CUZD1: variants seen among roughly 807,000 people sequenced by gnomAD.
The protein encoded by CUZD1 is CUB and zona pellucida like domains 1.
Under a neutral mutation model 53.1 loss-of-function variants are expected in CUZD1, and 42 were observed. The ratio of observed to expected loss-of-function variants is 0.79; its 90% CI spans 0.62 to 1.02. The LOEUF is 1.02. Among genes scored for constraint, CUZD1 ranks in the 50% least tolerant of loss-of-function variants. CUZD1 has a pLI of 0.00. For missense variants in CUZD1, 670 were observed against 715.7 expected (o/e 0.94, Z 0.73); for synonymous variants, 238 against 257.2 (o/e 0.93, Z 0.71).
Position 122,836,358 on chromosome 10 carries a change from GAA to G in CUZD1, c.818-10_818-9del, listed in dbSNP as rs11365591. 194,374 of 1,095,246 alleles carry G rather than the reference GAA, an allele frequency of 0.18. No individual in the cohort carries two copies. The highest frequency in any genetic ancestry group is 0.21 in the East Asian group (6,233 of 29,588). 67.8% of individuals were successfully genotyped at this position (1,095,246 alleles called of 1,614,324 possible). ...AAGAGCAAGTTAAAGATGCTGTCAG[GAA>G]AAAAAAAAAAAAAAGAATGGTCATG... On this transcript the variant is annotated splice_polypyrimidine_tract_variant and intron_variant, in intron 5 of 8. Transcript: ENST00000392790.
At chr10:122,842,814 C>T (rs1007928308) in intron 1 of CUZD1, among the ~76,000 whole-genome samples, 2 of 152,142 alleles carry the variant, frequency 1.3e-5, no homozygotes, top group African/African-American at 4.8e-5. Flanking sequence ...CCAGAATAGA[C>T]ATTTTTCCAA....
Position 122,839,245 on chromosome 10 carries a change from A to G in CUZD1, c.234-14T>C, listed in dbSNP as rs368191862. 1.2e-6 allele frequency: 2 copies of G among 1,611,906 alleles called. No homozygotes were observed. Among genetic ancestry groups the G allele is most frequent in the Non-Finnish European group, 1.7e-6 (2 of 1,178,288 alleles). Reference sequence around the variant, plus strand: ...TCTGGATCAAGCCTGTGGAAAAAACACAACTGTGGCTGAAGAAGTGTCACA... The same window carrying G: ...TCTGGATCAAGCCTGTGGAAAAAACGCAACTGTGGCTGAAGAAGTGTCACA... On this transcript the variant is annotated splice_polypyrimidine_tract_variant and intron_variant, in intron 2 of 8. Transcript: ENST00000392790.
Position 122,839,226 on chromosome 10 carries a change from T to C in CUZD1, c.239A>G (p.Asp80Gly). ...TTCACTTTCACAGCTTCCATCTGGATCAAGCCTGTGGAAAAAACACAACTG... is the reference window on the plus strand; with the variant it reads ...TTCACTTTCACAGCTTCCATCTGGACCAAGCCTGTGGAAAAAACACAACTG... The part of the protein sequence containing the change: ...IRIIFSYVQL[D>G]PDGSCESENI... Residue 80 changes from aspartate to glycine, a missense_variant, in exon 3 of 9, where the codon GAT becomes GGT. Physicochemically the swap from Asp to Gly is moderately conservative, Grantham distance 94 (BLOSUM62 -1). Transcript: ENST00000392790. 1 of 1,613,816 alleles carries C rather than the reference T, an allele frequency of 6.2e-7. No homozygotes were observed. Among genetic ancestry groups the C allele is most frequent in the Non-Finnish European group, 8.5e-7 (1 of 1,179,806 alleles).
chr10:122,837,279 A>C, intron 4 of CUZD1, 125 bp downstream of exon 4: 1 of 1,023,308 alleles, frequency 9.8e-7, no homozygotes, highest in East Asian at 2.5e-5. Context: ...TTTCCTTTCT[A>C]CATCAATTCT....
chr10:122,834,305 T>C (rs1231325926), intron 7 of CUZD1, among the ~76,000 whole-genome samples: 1 of 152,208 alleles, frequency 6.6e-6, no homozygotes, highest in Non-Finnish European at 1.5e-5. Context: ...TTATACTTTT[T>C]CTCTTAAGAA....
Position 122,834,979 on chromosome 10 carries a change from T to C in CUZD1, c.1109A>G (p.Asn370Ser). 6.2e-7 allele frequency: 1 copy of C among 1,613,898 alleles called. No homozygotes were observed. Among genetic ancestry groups the C allele is most frequent in the Non-Finnish European group, 8.5e-7 (1 of 1,179,830 alleles). Residue 370 changes from asparagine to serine, a missense_variant, in exon 7 of 9, where the codon AAT becomes AGT. Physicochemically the swap from Asn to Ser is conservative, Grantham distance 46. Transcript: ENST00000392790. Reference protein sequence around the residue: ...QIIVKCEMGHNSTVEIIYITE... With the variant: ...QIIVKCEMGHSSTVEIIYITE... ...TATGTATATTATCTCCACTGTAGAA[T>C]TATGTCCCATTTCACACTTCACAAT...
In CUZD1 at chr10:122,837,387, TG is replaced by T; in HGVS notation, c.599+16del. Reference sequence around the variant, plus strand: ...TTTACTGCATTTGTTCCAACAGAATTGGGCAGCAGTACTTACAAAATCTCTT... The same window carrying T: ...TTTACTGCATTTGTTCCAACAGAATTGGCAGCAGTACTTACAAAATCTCTT... On this transcript the variant is annotated intron_variant, in intron 4 of 8. Transcript: ENST00000392790. The T allele has an allele frequency of 6.2e-7, 1 of 1,613,746 alleles. No individual in the cohort carries two copies. Among genetic ancestry groups the T allele is most frequent in the Non-Finnish European group, 8.5e-7 (1 of 1,179,784 alleles).
intron 2 of CUZD1, 70 bp downstream of exon 2, chr10:122,841,108 A>C (rs1847334170): frequency 7.1e-7 from 1 of 1,409,476 alleles, no homozygotes; most frequent in East Asian, 2.3e-5. Context: ...TTCTACAGAG[A>C]GTCCCCCTAC....
At position 122,844,043 on chromosome 10, in the gene CUZD1, GGGAC is replaced by G. The variant is rs370055109; in HGVS notation, c.82+1715_82+1718del. ...ATAAATATATATATATATAGAGAGAGGGACAGACAGAGTCTCACTCTGTTACCTA... is the reference window on the plus strand; with the variant it reads ...ATAAATATATATATATATAGAGAGAGAGACAGAGTCTCACTCTGTTACCTA... On this transcript the variant is annotated intron_variant, in intron 1 of 8. Transcript: ENST00000392790. Among the ~76,000 whole-genome samples, 27 of 149,648 alleles carry G rather than the reference GGGAC, an allele frequency of 1.8e-4. No individual in the cohort carries two copies. The South Asian group carries it at 3.8e-3, about 21-fold the overall frequency.
At chr10:122,844,568 T>C (rs1373648259) in intron 1 of CUZD1, among the ~76,000 whole-genome samples, 3 of 151,998 alleles carry the variant, frequency 2.0e-5, no homozygotes, top group Non-Finnish European at 4.4e-5. Context: ...CTGTTAGCAG[T>C]GAAATTACCC....
Position 122,832,159 on chromosome 10 carries a change from G to A in CUZD1, c.*119C>T. ...ATGAAACACACCGACACAGTGACAT[G>A]CAGGCCTGTGTGTCACTTTCAGGCC... On this transcript the variant is annotated 3_prime_UTR_variant, in exon 9 of 9. Transcript: ENST00000392790. 2.2e-6 allele frequency: 2 copies of A among 901,246 alleles called. No individual in the cohort carries two copies. The highest frequency in any genetic ancestry group is 3.5e-6 in the Non-Finnish European group (2 of 567,266). 55.8% of individuals were successfully genotyped at this position (901,246 alleles called of 1,614,324 possible).
chr10:122,833,195 G>T (rs1847186826), intron 8 of CUZD1, among the ~76,000 whole-genome samples: 1 of 151,972 alleles, frequency 6.6e-6, no homozygotes, highest in Non-Finnish European at 1.5e-5. Flanking sequence ...CAGATCTCAG[G>T]TTTCAAGCCT....
chr10:122,834,748 G>A lies in CUZD1; in HGVS notation c.1340C>T (p.Thr447Ile). 1 of 1,612,132 alleles carries A rather than the reference G, an allele frequency of 6.2e-7. No individual in the cohort carries two copies. Among genetic ancestry groups the A allele is most frequent in the South Asian group, 1.1e-5 (1 of 90,750 alleles). The change falls in exon 7 of 9, where the codon ACC becomes ATC. Residue 447 changes from threonine (T) to isoleucine (I), a missense_variant. Transcript: ENST00000392790. ...GTAGGTTGGAGATGCAAAGTCAGAG[G>A]TGGGAGAGGCTCTACAGGTATCAAG... ...VFLDTCRASPTSDFASPTYDL... is the reference protein window; with the variant it reads ...VFLDTCRASPISDFASPTYDL...
rs761938782 is a variant in CUZD1, at chr10:122,834,987, CA to C, written c.1100del (p.Met367ArgfsTer9). 1 of 1,613,726 alleles carries C rather than the reference CA, an allele frequency of 6.2e-7. No homozygotes were observed. The highest frequency in any genetic ancestry group is 2.2e-5 in the East Asian group (1 of 44,862). ...TTATCTCCACTGTAGAATTATGTCC[CA>C]TTTCACACTTCACAATAATCTGGAG... ...KQLQIIVKCEMGHNSTVEIIY... is the reference protein window; with the variant it reads ...KQLQIIVKCEXGHNSTVEIIY... On this transcript the variant is annotated frameshift_variant, in exon 7 of 9. Transcript: ENST00000392790. LOFTEE classifies it high-confidence loss of function.
Position 122,839,216 on chromosome 10 carries a change from TC to T in CUZD1, c.248del (p.Gly83GlufsTer21). On this transcript the variant is annotated frameshift_variant, in exon 3 of 9. Transcript: ENST00000392790. LOFTEE classifies it high-confidence loss of function. ...IFSYVQLDPD[G>X]SCESENIKVF... is the part of the protein sequence containing the mutation. ...CTTTAATGTTTTCACTTTCACAGCT[TC>T]CATCTGGATCAAGCCTGTGGAAAAA... The T allele has an allele frequency of 6.2e-7, 1 of 1,613,986 alleles. No individual in the cohort carries two copies. The highest frequency in any genetic ancestry group is 8.5e-7 in the Non-Finnish European group (1 of 1,179,856).
rs1320133924 is a variant in CUZD1, at chr10:122,834,803, G to A, written c.1285C>T (p.His429Tyr). ...NQTLFVQVSL[H>Y]TSDPNLVVFL... Reference sequence around the variant, plus strand: ...ACCACCAAATTTGGATCTGAGGTGTGCAGACTAACTTGAACAAAAAGAGTT... The same window carrying A: ...ACCACCAAATTTGGATCTGAGGTGTACAGACTAACTTGAACAAAAAGAGTT... The change falls in exon 7 of 9, where the codon CAC becomes TAC. Residue 429 changes from histidine to tyrosine, a missense_variant. Physicochemically the swap from His to Tyr is moderately conservative, Grantham distance 83. Coordinates refer to ENST00000392790, the MANE Select transcript of CUZD1 (RefSeq NM_022034.6). The A allele has an allele frequency of 6.2e-7, 1 of 1,613,808 alleles. No homozygotes were observed. Among genetic ancestry groups the A allele is most frequent in the Admixed American group, 1.7e-5 (1 of 59,998 alleles).
chr10:122,845,835 AAGCTCCATTTTGGC>A lies in CUZD1; in HGVS notation c.-6_8del. The A allele has an allele frequency of 6.2e-7, 1 of 1,613,916 alleles. No homozygotes were observed. The highest frequency in any genetic ancestry group is 8.5e-7 in the Non-Finnish European group (1 of 1,179,944). The stretch of plus-strand genomic sequence containing the variant: ...GGGTCAATGGCATGAGCCTTCTTAC[AAGCTCCATTTTGGC>A]AAGGCGCTGGGCAGCCTTAAGGACC... On this transcript the variant is annotated start_lost and 5_prime_UTR_variant, in exon 1 of 9. Transcript: ENST00000392790.
intron 2 of CUZD1, among the ~76,000 whole-genome samples, chr10:122,839,725 T>G (rs970456266): frequency 2.6e-5 from 4 of 152,178 alleles, no homozygotes; most frequent in Non-Finnish European, 5.9e-5. Context: ...TGAAGGACAG[T>G]CCCATGCCCT....
intron 2 of CUZD1, 67 bp downstream of exon 2, chr10:122,841,110 TC>T: frequency 7.0e-7 from 1 of 1,435,764 alleles, no homozygotes. Context: ...CTACAGAGAG[TC>T]CCCCTACCCA....
Sources: allele counts gnomAD v4.1 joint callset (sites outside exome capture counted in the v4.1 genomes callset), GRCh38; gene constraint gnomAD v4.1.1; transcripts MANE v1.5; gene names NCBI Gene and HGNC (gene_info 2026-07-23, HGNC 2026-07-21).